The following LRCH3 variants were observed in gnomAD, a reference collection of about 807,000 sequenced individuals.
LRCH3 encodes the protein DISP complex protein LRCH3.
LRCH3 carries 68 observed loss-of-function variants against 104.5 expected under a neutral mutation model. That is an observed-to-expected ratio of 0.65 (90% CI 0.54 to 0.80). The LOEUF (loss-of-function observed/expected upper bound fraction) is 0.80. Among genes scored for constraint, LRCH3 ranks in the 30% least tolerant of loss-of-function variants. The pLI, the probability that LRCH3 is intolerant of heterozygous loss-of-function variation, is 0.00. For synonymous variants in LRCH3, 344 were observed against 361.3 expected (o/e 0.95, Z 0.54); for missense variants, 951 against 953.9 (o/e 1.00, Z 0.04).
chr3:197,839,524 G>GGT, intron 10 of LRCH3, 127 bp downstream of exon 10: 2 of 542,510 alleles, frequency 3.7e-6, no homozygotes, highest in Non-Finnish European at 6.4e-6. Context: ...ACTGAGCGAC[G>GGT]GTGTGCTTTT....
chr3:197,854,314 G>C lies in LRCH3; in HGVS notation c.1591-78G>C. ...TATGTCTTAATATGTCTCTTCCCTT[G>C]TGTGTGTATTCGTGAAATACGTCAC... On this transcript the variant is annotated intron_variant, in intron 13 of 20. Coordinates refer to ENST00000425562, the MANE Select transcript of LRCH3 (RefSeq NM_001365715.1). This position sits in a 1 kb window ranked among gnomAD's most constrained non-coding sequence, Gnocchi z 4.5. 8.4e-7 allele frequency: 1 copy of C among 1,188,094 alleles called. No homozygotes were observed. Among genetic ancestry groups the C allele is most frequent in the Non-Finnish European group, 1.3e-6 (1 of 791,184 alleles). The allele number at this position is 1,188,094 out of a possible 1,614,324, so 73.6% of individuals were successfully genotyped here.
Position 197,791,515 on chromosome 3 carries a change from C to G in LRCH3, c.237C>G (p.His79Gln), listed in dbSNP as rs754765706. 1.3e-6 allele frequency: 2 copies of G among 1,596,998 alleles called. No individual in the cohort carries two copies. The highest frequency in any genetic ancestry group is 3.4e-5 in the Admixed American group (2 of 58,650). The change falls in exon 1 of 21, where the codon CAC becomes CAG. Residue 79 changes from histidine to glutamine, a missense_variant. Coordinates refer to ENST00000425562, the MANE Select transcript of LRCH3 (RefSeq NM_001365715.1). The part of the protein sequence containing the change: ...LREFPRGAAN[H>Q]DLTDTTRADL... ...AGTTTCCCCGGGGAGCGGCCAACCA[C>G]GACCTGACGGACACCACCCGGGCGG...
rs927670516 is a variant in LRCH3 at position 197,884,311 on chromosome 3, T to A, written c.*645T>A. ...CTGGGACAACAGGTGCCCGCCACCA[T>A]GCCTGGCTAATTTTCTTGTATTTTT... On this transcript the variant is annotated 3_prime_UTR_variant, in exon 21 of 21. Coordinates refer to ENST00000425562, the MANE Select transcript of LRCH3 (RefSeq NM_001365715.1). 2.6e-5 allele frequency: 4 copies of A among 152,354 alleles called. No individual in the cohort carries two copies. Among genetic ancestry groups the A allele is most frequent in the Non-Finnish European group, 4.4e-5 (3 of 68,150 alleles). The allele number at this position is 152,354 out of a possible 1,614,324, so 9.4% of individuals were successfully genotyped here. A position where few individuals can be genotyped will look rare whatever the true frequency, so the allele number is the denominator to read the frequency against.
chr3:197,827,809 T>G (rs922397626), intron 5 of LRCH3, among the ~76,000 whole-genome samples: 1 of 152,102 alleles, frequency 6.6e-6, no homozygotes, highest in Non-Finnish European at 1.5e-5. Flanking sequence ...CCAGGTGTGG[T>G]GGCTCATGCC....
chr3:197,793,087 C>A (rs1249248261), intron 1 of LRCH3, among the ~76,000 whole-genome samples: 2 of 152,208 alleles, frequency 1.3e-5, no homozygotes, highest in East Asian at 3.8e-4. Flanking sequence ...CTGCGGCTGG[C>A]AGTACTTGGT....
rs1464790990 is a variant in LRCH3 at position 197,830,770 on chromosome 3, C to T, written c.888C>T (p.Cys296=). Residue 296 remains cysteine, a splice_region_variant and synonymous_variant, in exon 7 of 21, where the codon TGC becomes TGT. Coordinates refer to ENST00000425562, the MANE Select transcript of LRCH3 (RefSeq NM_001365715.1). ...YDRRPLGFGS[C]HEELYSSRPY... ...CAGTAACAGAGTCTCTTTTCGGCAG[C>T]CATGAAGAACTGTACTCAAGTCGCC... 11 of 1,611,654 alleles carry T rather than the reference C, an allele frequency of 6.8e-6. No homozygotes were observed. Among genetic ancestry groups the T allele is most frequent in the Non-Finnish European group, 9.3e-6 (11 of 1,178,402 alleles).
intron 19 of LRCH3, among the ~76,000 whole-genome samples, chr3:197,873,123 C>T (rs572199320): frequency 6.6e-6 from 1 of 152,288 alleles, no homozygotes; most frequent in South Asian, 2.1e-4. Flanking sequence ...CACAAAAGAA[C>T]AGGCTTTGGG....
chr3:197,865,791 T>G (rs2109491778), intron 16 of LRCH3, among the ~76,000 whole-genome samples: 1 of 152,092 alleles, frequency 6.6e-6, no homozygotes, highest in East Asian at 1.9e-4. Context: ...TTCCCATTTT[T>G]AAATTAAATT....
intron 10 of LRCH3, among the ~76,000 whole-genome samples, chr3:197,839,659 A>G (rs1001276542): frequency 2.6e-5 from 4 of 152,164 alleles, no homozygotes; most frequent in Admixed American, 6.5e-5. Context: ...TGGTGAAGCT[A>G]TATGGATTCA....
intron 9 of LRCH3, among the ~76,000 whole-genome samples, chr3:197,837,967 C>T (rs143850154): frequency 6.2e-4 from 94 of 150,896 alleles, no homozygotes; most frequent in Non-Finnish European, 9.5e-4. Flanking sequence ...GGCTGAGGCA[C>T]GAGAGTCACT....
chr3:197,794,333 A>C (rs535909747), intron 1 of LRCH3, among the ~76,000 whole-genome samples: 4 of 152,332 alleles, frequency 2.6e-5, no homozygotes, highest in African/African-American at 7.2e-5. Context: ...GATGTTCACT[A>C]ATTTGCTCAA....
intron 15 of LRCH3, among the ~76,000 whole-genome samples, chr3:197,863,457 C>T (rs540026037): frequency 2.0e-5 from 3 of 152,240 alleles, no homozygotes; most frequent in African/African-American, 7.2e-5. Flanking sequence ...GACGGGGTTT[C>T]ACCATGTTGG....
chr3:197,870,136 T>A (rs758753752), intron 17 of LRCH3, 24 bp from the exon 18 acceptor site: 1 of 1,607,962 alleles, frequency 6.2e-7, no homozygotes, highest in Non-Finnish European at 8.5e-7. Context: ...TGCCTTTCTG[T>A]CTTACATATT....
At chr3:197,796,050 T>C (rs1450054340) in intron 1 of LRCH3, among the ~76,000 whole-genome samples, 1 of 152,102 alleles carries the variant, frequency 6.6e-6, no homozygotes, top group Non-Finnish European at 1.5e-5. Flanking sequence ...GTGATGATAT[T>C]GTGGTGAGAC....
Position 197,835,809 on chromosome 3 carries a change from G to T in LRCH3, c.1238G>T (p.Arg413Leu), listed in dbSNP as rs571384152. 45 of 1,613,958 alleles carry T rather than the reference G, an allele frequency of 2.8e-5. No individual in the cohort carries two copies. The Middle Eastern group carries it at 6.6e-4, about 24-fold the overall frequency. Residue 413 changes from arginine (R) to leucine (L), a missense_variant, in exon 9 of 21, where the codon CGA becomes CTA. By Grantham distance (102) the Arg-to-Leu change is moderately radical (BLOSUM62 -2). Transcript: ENST00000425562. ...SQFMAYIEQR[R>L]ISHEGSPVKP... ...TTTATGGCGTATATTGAACAGCGGCGAATCTCTCATGAGGTAGTACACAGA... is the reference window on the plus strand; with the variant it reads ...TTTATGGCGTATATTGAACAGCGGCTAATCTCTCATGAGGTAGTACACAGA...
chr3:197,880,477 T>G (rs1713655214), intron 20 of LRCH3: 1 of 1,489,758 alleles, frequency 6.7e-7, no homozygotes, highest in African/African-American at 1.4e-5. Context: ...TGACTTTGTT[T>G]TTCTGTTTTC....
chr3:197,811,027 A>AG, intron 1 of LRCH3, among the ~76,000 whole-genome samples: 1 of 152,174 alleles, frequency 6.6e-6, no homozygotes, highest in Non-Finnish European at 1.5e-5. Context: ...GAAAACGAAA[A>AG]GGAAATACCT....
intron 13 of LRCH3, among the ~76,000 whole-genome samples, chr3:197,853,032 A>G (rs1180302597): frequency 6.6e-6 from 1 of 152,334 alleles, no homozygotes; most frequent in Non-Finnish European, 1.5e-5. Flanking sequence ...ATCAAATAGT[A>G]CATTTTTCTT....
At chr3:197,817,334 G>GTGTGTGTATTTTGTGTGTGTGTGCGTGTT in intron 3 of LRCH3, 32 bp downstream of exon 3, 1 of 513,578 alleles carries the variant, frequency 1.9e-6, no homozygotes, top group South Asian at 2.7e-5. Flanking sequence ...TCCAACATGT[G>GTGTGTGTATTTTGTGTGTGTGTGCGTGTT]TGTGTGTGTG....
Sources: gnomAD v4.1 joint callset for allele counts (sites outside exome capture counted in the v4.1 genomes callset) on GRCh38, gnomAD v4.1.1 for gene constraint, Gnocchi (gnomAD v3.1) non-coding constraint, MANE v1.5 for transcripts, NCBI Gene and HGNC (gene_info 2026-07-23, HGNC 2026-07-21) for gene names.